The following PEAK1 variants were observed in gnomAD, a reference collection of about 807,000 sequenced individuals.
PEAK1 encodes inactive tyrosine-protein kinase PEAK1.
In PEAK1, 54 loss-of-function variants were observed where a neutral mutation model predicts 124.7. The observed-to-expected ratio is 0.43, with a 90% CI of 0.35 to 0.54. The LOEUF (loss-of-function observed/expected upper bound fraction) is 0.54, where lower values mean the gene tolerates loss of function less well. Among genes scored for constraint, PEAK1 ranks in the 20% least tolerant of loss-of-function variants. The pLI is 0.01. For missense variants in PEAK1, 2,046 were observed against 2,134.5 expected (o/e 0.96, Z 0.82); for synonymous variants, 719 against 760.0 (o/e 0.95, Z 0.89).
intron 2 of PEAK1, among the ~76,000 whole-genome samples, chr15:77,299,444 C>G (rs2063676998): frequency 6.6e-6 from 1 of 152,120 alleles, no homozygotes; most frequent in Admixed American, 6.5e-5. Flanking sequence ...ATACGATCAT[C>G]AAAATTGACA....
At position 77,111,033 on chromosome 15, in the gene PEAK1, T is replaced by C. The variant is rs2050947438; in HGVS notation, c.*3123A>G. 1 of 152,238 alleles carries C rather than the reference T, an allele frequency of 6.6e-6. No individual in the cohort carries two copies. Among genetic ancestry groups the C allele is most frequent in the African/African-American group, 2.4e-5 (1 of 41,466 alleles). 9.4% of individuals were successfully genotyped at this position (152,238 alleles called of 1,614,324 possible). A position where few individuals can be genotyped will look rare whatever the true frequency, so the allele number is the denominator to read the frequency against. On this transcript the variant is annotated 3_prime_UTR_variant, in exon 10 of 10. Coordinates refer to ENST00000682557, the MANE Select transcript of PEAK1 (RefSeq NM_001385026.1). The stretch of plus-strand genomic sequence containing the variant: ...CTGTTGTGTTTCTCTAGCACCCAAG[T>C]GTCACAGAGATTGTTCATGCTCATG...
chr15:77,279,094 CTCGTGT>C (rs1354027770), intron 5 of PEAK1, among the ~76,000 whole-genome samples: 2 of 122,860 alleles, frequency 1.6e-5, no homozygotes, highest in African/African-American at 5.6e-5. Flanking sequence ...TCCCAAGGTG[CTCGTGT>C]GTGCGTGTGT....
intron 2 of PEAK1, among the ~76,000 whole-genome samples, chr15:77,299,947 G>A (rs1452588670): frequency 6.6e-6 from 1 of 152,162 alleles, no homozygotes; most frequent in African/African-American, 2.4e-5. Flanking sequence ...TGCTCAAACT[G>A]TTCAAGAATT....
At position 77,265,519 on chromosome 15, in the gene PEAK1, T is replaced by A. The variant is rs150576716; in HGVS notation, c.-274-12993A>T. On this transcript the variant is annotated intron_variant, in intron 5 of 9. Transcript: ENST00000682557. ...CACATGAAAAAATGCTCACCATCACTGGCCATCAGAGAAATGCAAATCCAA... is the reference window on the plus strand; with the variant it reads ...CACATGAAAAAATGCTCACCATCACAGGCCATCAGAGAAATGCAAATCCAA... Among the ~76,000 whole-genome samples, 771 of 152,308 alleles carry A rather than the reference T, an allele frequency of 5.1e-3. 5 individuals are homozygous for A. The highest frequency in any genetic ancestry group is 0.017 in the African/African-American group (716 of 41,566).
At position 77,288,450 on chromosome 15, in the gene PEAK1, T is replaced by C. The variant is rs2063039169; in HGVS notation, c.-602-1946A>G. On this transcript the variant is annotated intron_variant, in intron 2 of 9. Coordinates refer to ENST00000682557, the MANE Select transcript of PEAK1 (RefSeq NM_001385026.1). ...CTACACCACCAAGCTCACATATCAT[T>C]GCAACAAGCACTCAGGAGATATTTA... 2.6e-5 allele frequency among the ~76,000 whole-genome samples: 4 copies of C among 152,304 alleles called. No individual in the cohort carries two copies. The South Asian group carries it at 8.3e-4, about 32-fold the overall frequency.
intron 2 of PEAK1, among the ~76,000 whole-genome samples, chr15:77,297,796 C>A (rs373575133): frequency 4.0e-4 from 59 of 148,322 alleles, no homozygotes; most frequent in African/African-American, 1.4e-3. Context: ...CGGTGGCTCA[C>A]GCCTGTAATC....
In PEAK1 at chr15:77,231,373, T is replaced by A. The variant is rs151315382; in HGVS notation, c.-115+20994A>T. On this transcript the variant is annotated intron_variant, in intron 6 of 9. Coordinates refer to ENST00000682557, the MANE Select transcript of PEAK1 (RefSeq NM_001385026.1). ...AGGAATCTCTACTGGTTTAACCTAC[T>A]CTGTCCACTTTTCATCAAGTCTTTC... Among the ~76,000 whole-genome samples, 727 of 152,346 alleles carry A rather than the reference T, an allele frequency of 4.8e-3. 4 individuals carry two copies. The highest frequency in any genetic ancestry group is 0.016 in the African/African-American group (675 of 41,586).
chr15:77,253,354 C>T (rs1332554951), intron 5 of PEAK1, among the ~76,000 whole-genome samples: 2 of 151,728 alleles, frequency 1.3e-5, no homozygotes, highest in African/African-American at 2.4e-5. Context: ...TATACCTCTA[C>T]ATATATTACA....
chr15:77,315,123 G>A (rs887347752), intron 2 of PEAK1, among the ~76,000 whole-genome samples: 5 of 152,168 alleles, frequency 3.3e-5, no homozygotes, highest in African/African-American at 1.2e-4. Context: ...TGTACTAATA[G>A]CAAGAATTAT....
chr15:77,418,102 T>C, intron 1 of PEAK1: 2 of 984,340 alleles, frequency 2.0e-6, no homozygotes, highest in Non-Finnish European at 2.4e-6. Context: ...GAATTTTGAA[T>C]GTTAATAGGC....
chr15:77,125,608 T>C (rs1418607639), intron 9 of PEAK1, among the ~76,000 whole-genome samples: 1 of 152,192 alleles, frequency 6.6e-6, no homozygotes, highest in African/African-American at 2.4e-5. Context: ...ATAAAGACAC[T>C]GGATATAGAA....
intron 7 of PEAK1, among the ~76,000 whole-genome samples, chr15:77,161,102 A>G (rs1183966325): frequency 6.6e-6 from 1 of 152,212 alleles, no homozygotes; most frequent in African/African-American, 2.4e-5. Flanking sequence ...AGCAAGAAAT[A>G]TTAGAAAACT....
At chr15:77,318,756 A>G (rs1314502155) in intron 2 of PEAK1, among the ~76,000 whole-genome samples, 6 of 152,154 alleles carry the variant, frequency 3.9e-5, no homozygotes, top group Admixed American at 2.0e-4. Context: ...AACATGCGGT[A>G]TAAGTAACAC....
chr15:77,250,159 A>G (rs1482508286), intron 6 of PEAK1, among the ~76,000 whole-genome samples: 1 of 142,392 alleles, frequency 7.0e-6, no homozygotes, highest in East Asian at 2.0e-4. Context: ...ATATATACAT[A>G]TATATACATA....
intron 2 of PEAK1, chr15:77,355,840 C>A (rs1189973998): frequency 5.1e-6 from 5 of 985,190 alleles, no homozygotes; most frequent in Admixed American, 6.1e-5. Context: ...CTGACCCCCT[C>A]CCAGAATATC....
chr15:77,310,752 C>T (rs977780608), intron 2 of PEAK1, among the ~76,000 whole-genome samples: 2 of 152,166 alleles, frequency 1.3e-5, no homozygotes, highest in East Asian at 1.9e-4. Flanking sequence ...AGGAATCTGA[C>T]CTAGACCTGG....
intron 2 of PEAK1, among the ~76,000 whole-genome samples, chr15:77,341,271 G>A (rs548199240): frequency 6.6e-5 from 10 of 152,122 alleles, no homozygotes; most frequent in East Asian, 1.9e-4. Context: ...TTTGGGAGGC[G>A]GGTGGATCAT....
intron 2 of PEAK1, among the ~76,000 whole-genome samples, chr15:77,295,449 T>TG (rs2063436683): frequency 6.6e-6 from 1 of 152,174 alleles, no homozygotes; most frequent in Non-Finnish European, 1.5e-5. Flanking sequence ...AACATGGTCT[T>TG]TTCTCAAGTC....
intron 2 of PEAK1, among the ~76,000 whole-genome samples, chr15:77,290,925 T>A (rs902479227): frequency 1.3e-5 from 2 of 152,146 alleles, no homozygotes; most frequent in Admixed American, 1.3e-4. Context: ...AACTGAAGAA[T>A]CTCTAAATGT....
Sources: gnomAD v4.1 joint callset for allele counts (sites outside exome capture counted in the v4.1 genomes callset) on GRCh38, gnomAD v4.1.1 for gene constraint, MANE v1.5 for transcripts, NCBI Gene and HGNC (gene_info 2026-07-23, HGNC 2026-07-21) for gene names.